The following NPAS2 variants were observed in gnomAD, a reference collection of about 807,000 sequenced individuals.
The protein encoded by NPAS2 is neuronal PAS domain-containing protein 2.
In NPAS2, 23 loss-of-function variants were observed where a neutral mutation model predicts 107.5. The ratio of observed to expected loss-of-function variants is 0.21; its 90% CI spans 0.15 to 0.30. The LOEUF (loss-of-function observed/expected upper bound fraction) is 0.30, where lower values mean the gene tolerates loss of function less well. Ranked by LOEUF, NPAS2 falls within the 10% of genes least tolerant of loss-of-function variation. The pLI is 1.00. For synonymous variants in NPAS2, 403 were observed against 417.5 expected (o/e 0.97, Z 0.42); for missense variants, 756 against 1,043.3 (o/e 0.72, Z 3.79).
intron 12 of NPAS2, among the ~76,000 whole-genome samples, chr2:100,973,444 A>G (rs567675139): frequency 2.0e-5 from 3 of 152,346 alleles, no homozygotes; most frequent in African/African-American, 7.2e-5. Flanking sequence ...ATTCACAAAC[A>G]GCCGTGGTCC....
rs1490834272 is a variant in NPAS2 at position 100,954,868 on chromosome 2, G to GT, written c.598+5396dup. Among the ~76,000 whole-genome samples, 626 of 130,888 alleles carry GT rather than the reference G, an allele frequency of 4.8e-3. 6 individuals carry two copies. The highest frequency in any genetic ancestry group is 0.017 in the African/African-American group (577 of 33,044). 85.9% of individuals were successfully genotyped at this position (130,888 alleles called of 152,430 possible). A position where few individuals can be genotyped will look rare whatever the true frequency, so the allele number is the denominator to read the frequency against. ...CTAACATCATTTTTTTGTTTTTTTT[G>GT]TTTTTTTTGTTTTTTTTTGGTTTTT... On this transcript the variant is annotated intron_variant, in intron 7 of 20. Transcript: ENST00000335681.
intron 1 of NPAS2, among the ~76,000 whole-genome samples, chr2:100,857,538 C>T (rs1040656403): frequency 6.6e-6 from 1 of 152,106 alleles, no homozygotes; most frequent in Non-Finnish European, 1.5e-5. Flanking sequence ...TAGGAACAGG[C>T]CAGAGCAGGC....
intron 1 of NPAS2, among the ~76,000 whole-genome samples, chr2:100,877,672 A>G (rs1027461970): frequency 6.6e-6 from 1 of 152,010 alleles, no homozygotes; most frequent in African/African-American, 2.4e-5. Context: ...ACACAGCACC[A>G]TGTGCATTTT....
intron 20 of NPAS2, chr2:100,994,751 G>GGGACAGTGTTCCAGCC (rs1225853938): frequency 6.6e-6 from 1 of 152,376 alleles, no homozygotes; most frequent in African/African-American, 2.4e-5. Context: ...TGAAGATAAA[G>GGGACAGTGTTCCAGCC]GGACAGTGTT....
At chr2:100,865,450 C>T (rs977176653) in intron 1 of NPAS2, among the ~76,000 whole-genome samples, 11 of 152,310 alleles carry the variant, frequency 7.2e-5, no homozygotes, top group Non-Finnish European at 1.5e-4. Context: ...GCTGCCTGCA[C>T]TGTTGACCTT....
Position 100,970,998 on chromosome 2 carries a change from A to AAAGTACACC in NPAS2, c.1064_1065insAAGTACACC (p.Asp355delinsGluSerThrPro). On this transcript the variant is annotated protein_altering_variant, in exon 12 of 21. Coordinates refer to ENST00000335681, the MANE Select transcript of NPAS2 (RefSeq NM_002518.4). ...CTTAATTTCCTGTACAGTTACGCAG[A>AAAGTACACC]TGTCCGGGTGGAAAGGAGGCAGGAG... 1 of 1,614,080 alleles carries AAAGTACACC rather than the reference A, an allele frequency of 6.2e-7. No individual in the cohort carries two copies. Among genetic ancestry groups the AAAGTACACC allele is most frequent in the Non-Finnish European group, 8.5e-7 (1 of 1,180,010 alleles).
At chr2:100,892,075 C>T (rs370248311) in intron 1 of NPAS2, among the ~76,000 whole-genome samples, 1 of 152,234 alleles carries the variant, frequency 6.6e-6, no homozygotes, top group African/African-American at 2.4e-5. Context: ...CATCAGAGTC[C>T]CCAGTTGACT....
At chr2:100,830,827 ACAGCATCATACGTC>A (rs1676683078) in intron 1 of NPAS2, among the ~76,000 whole-genome samples, 1 of 152,204 alleles carries the variant, frequency 6.6e-6, no homozygotes, top group Non-Finnish European at 1.5e-5. Context: ...TTAGAAGCAG[ACAGCATCATACGTC>A]CACATAGGTC....
In NPAS2 at chr2:100,975,516, C is replaced by T. The variant is rs202080351; in HGVS notation, c.1341C>T (p.Thr447=). The T allele has an allele frequency of 6.0e-5, 97 of 1,613,216 alleles. 1 individual carries two copies. The East Asian group carries it at 2.1e-3, about 35-fold the overall frequency. The change falls in exon 14 of 21, where the codon ACC becomes ACT. Residue 447 remains threonine (T), a synonymous_variant. Transcript: ENST00000335681. The part of the protein sequence containing the change: ...ASTPALPRSA[T]LPQELPVPGL... The stretch of plus-strand genomic sequence containing the variant: ...CCCCGGCTTTGCCAAGATCAGCCAC[C>T]CTGCCCCAAGAGTTACCTGTCCCCG...
chr2:100,877,445 CAAAAAAAAAAA>C (rs72050213), intron 1 of NPAS2, among the ~76,000 whole-genome samples: 1,408 of 81,614 alleles, frequency 0.017, 11 homozygotes, highest in Non-Finnish European at 0.025. Flanking sequence ...GACTCCGTCT[CAAAAAAAAAAA>C]AAAAAAAAAA....
At chr2:100,873,972 C>CT (rs893989721) in intron 1 of NPAS2, among the ~76,000 whole-genome samples, 11 of 150,624 alleles carry the variant, frequency 7.3e-5, no homozygotes, top group South Asian at 2.1e-4. Context: ...ATAACCAACT[C>CT]TTTTTTTTGT....
chr2:100,859,352 A>G (rs1678791363), intron 1 of NPAS2, among the ~76,000 whole-genome samples: 1 of 152,196 alleles, frequency 6.6e-6, no homozygotes, highest in African/African-American at 2.4e-5. Context: ...TCTTTTGTTC[A>G]GTCCTTTATT....
intron 2 of NPAS2, among the ~76,000 whole-genome samples, chr2:100,906,711 G>C (rs1317011684): frequency 6.6e-6 from 1 of 152,192 alleles, no homozygotes; most frequent in African/African-American, 2.4e-5. Flanking sequence ...ATTCTTATTA[G>C]AAATGATGGA....
chr2:100,898,856 A>T (rs1187453176), intron 1 of NPAS2, among the ~76,000 whole-genome samples: 2 of 152,188 alleles, frequency 1.3e-5, no homozygotes, highest in Non-Finnish European at 2.9e-5. Context: ...AATGTAACTA[A>T]CATACCTCTT....
chr2:100,837,872 A>C (rs777233965), intron 1 of NPAS2, among the ~76,000 whole-genome samples: 2 of 152,194 alleles, frequency 1.3e-5, no homozygotes, highest in Non-Finnish European at 2.9e-5. Context: ...GAGGAGGGTC[A>C]GGGAATGACA....
chr2:100,874,529 G>A (rs1340336721), intron 1 of NPAS2, among the ~76,000 whole-genome samples: 1 of 152,014 alleles, frequency 6.6e-6, no homozygotes, highest in East Asian at 1.9e-4. Flanking sequence ...ATCACTTGAG[G>A]TCAGGAGTTC....
intron 1 of NPAS2, among the ~76,000 whole-genome samples, chr2:100,835,940 C>G (rs1677028982): frequency 6.6e-6 from 1 of 152,202 alleles, no homozygotes; most frequent in South Asian, 2.1e-4. Flanking sequence ...CAAGATATTA[C>G]CGACTTTTGA....
Position 100,995,862 on chromosome 2 carries a change from G to A in NPAS2, c.*280G>A, listed in dbSNP as rs745530319. On this transcript the variant is annotated 3_prime_UTR_variant, in exon 21 of 21. Coordinates refer to ENST00000335681, the MANE Select transcript of NPAS2 (RefSeq NM_002518.4). The stretch of plus-strand genomic sequence containing the variant: ...GTGCCCCGTGTAGGCATCGTCGGTC[G>A]GTTTGCCGTCAGAGATGGCGCATCT... 5.4e-5 allele frequency: 82 copies of A among 1,504,786 alleles called. No homozygotes were observed. The Middle Eastern group carries it at 1.4e-3, about 26-fold the overall frequency. 93.2% of individuals were successfully genotyped at this position (1,504,786 alleles called of 1,614,324 possible).
chr2:100,969,241 T>C (rs1676406685), intron 11 of NPAS2, among the ~76,000 whole-genome samples: 1 of 151,946 alleles, frequency 6.6e-6, no homozygotes, highest in Non-Finnish European at 1.5e-5. Context: ...GTTTGTTACA[T>C]AGGTATATAT....
Sources: allele counts gnomAD v4.1 joint callset (sites outside exome capture counted in the v4.1 genomes callset), GRCh38; gene constraint gnomAD v4.1.1; transcripts MANE v1.5; gene names NCBI Gene and HGNC (gene_info 2026-07-23, HGNC 2026-07-21).